Variants in ACVR2B observed in about 807,000 individuals in gnomAD.
ACVR2B encodes activin A receptor type 2B.
A neutral mutation model predicts 65.1 loss-of-function variants in ACVR2B; 18 were observed. That is an observed-to-expected ratio of 0.28 (90% confidence interval 0.19 to 0.41). The LOEUF (loss-of-function observed/expected upper bound fraction) is 0.41, where lower values mean the gene tolerates loss of function less well. Ranked by LOEUF, ACVR2B falls within the 10% of genes least tolerant of loss-of-function variation. The pLI is 1.00. For synonymous variants in ACVR2B, 298 were observed against 277.7 expected (o/e 1.07, Z -0.73); for missense variants, 482 against 682.7 (o/e 0.71, Z 3.28).
At chr3:38,474,004 C>G (rs1709864908) in intron 1 of ACVR2B, 1 of 152,360 alleles carries the variant, frequency 6.6e-6, no homozygotes, top group Non-Finnish European at 1.5e-5. Context: ...GCCTCAGCCT[C>G]CTGAGTAGCT....
Position 38,478,309 on chromosome 3 carries a change from T to G in ACVR2B, c.522+17T>G. The G allele has an allele frequency of 1.2e-6, 2 of 1,613,856 alleles. No homozygotes were observed. The highest frequency in any genetic ancestry group is 1.7e-6 in the Non-Finnish European group (2 of 1,179,946). ...ATCCATGAGGTGAGACAGTGCTGGC[T>G]TGGGGCAGGGCAGGATAGAGGTGGG... is the stretch of plus-strand genomic sequence containing the variant. On this transcript the variant is annotated intron_variant, in intron 4 of 10. Transcript: ENST00000352511.
intron 1 of ACVR2B, among the ~76,000 whole-genome samples, chr3:38,465,496 A>G (rs1709713342): frequency 6.6e-6 from 1 of 152,158 alleles, no homozygotes. Context: ...CAAAGGAAAA[A>G]TCTCTTAAAG....
chr3:38,459,686 A>C (rs115028961), intron 1 of ACVR2B: 1 of 984,808 alleles, frequency 1.0e-6, no homozygotes, highest in Non-Finnish European at 1.2e-6. Context: ...GCCTCTCCCC[A>C]AAGGTATGGG....
chr3:38,462,853 T>C (rs938749689), intron 1 of ACVR2B, among the ~76,000 whole-genome samples: 2 of 152,196 alleles, frequency 1.3e-5, no homozygotes, highest in Admixed American at 6.5e-5. Context: ...AAAATGGTTA[T>C]ACCATTTTAT....
At chr3:38,476,848 T>TA (rs1453180459) in intron 1 of ACVR2B, 1 of 268,128 alleles carries the variant, frequency 3.7e-6, no homozygotes, top group African/African-American at 2.2e-5. Context: ...ACCTGCAACA[T>TA]ACAGTGATTC....
intron 1 of ACVR2B, among the ~76,000 whole-genome samples, chr3:38,469,133 T>C (rs766092435): frequency 2.6e-5 from 4 of 152,190 alleles, no homozygotes; most frequent in Non-Finnish European, 5.9e-5. Flanking sequence ...CTGGCATTTG[T>C]AGTGAACAAA....
At chr3:38,459,496 C>A in intron 1 of ACVR2B, 1 of 731,764 alleles carries the variant, frequency 1.4e-6, no homozygotes, top group Non-Finnish European at 1.7e-6. Context: ...CAGCCCCTCT[C>A]TGCTCACCTG....
Position 38,454,197 on chromosome 3 carries a change from C to A in ACVR2B, c.-126C>A. On this transcript the variant is annotated 5_prime_UTR_variant, in exon 1 of 11. Transcript: ENST00000352511. ...CGGGGACGAAGGCGCAGGAAGCGCGCAGGGAACGAGACCGAAGGAAGGAGC... is the reference window on the plus strand; with the variant it reads ...CGGGGACGAAGGCGCAGGAAGCGCGAAGGGAACGAGACCGAAGGAAGGAGC... 3.0e-6 allele frequency: 2 copies of A among 669,636 alleles called. No homozygotes were observed. The highest frequency in any genetic ancestry group is 3.9e-6 in the Non-Finnish European group (2 of 509,076). The allele number at this position is 669,636 out of a possible 1,614,324, so 41.5% of individuals were successfully genotyped here. A position where few individuals can be genotyped will look rare whatever the true frequency, so the allele number is the denominator to read the frequency against.
At chr3:38,464,824 A>G (rs1457949043) in intron 1 of ACVR2B, among the ~76,000 whole-genome samples, 2 of 152,154 alleles carry the variant, frequency 1.3e-5, no homozygotes, top group Non-Finnish European at 2.9e-5. Context: ...TAGGAGACTG[A>G]GGCGGGGAGG....
At chr3:38,468,984 G>A (rs1036011971) in intron 1 of ACVR2B, among the ~76,000 whole-genome samples, 2 of 152,182 alleles carry the variant, frequency 1.3e-5, no homozygotes, top group African/African-American at 2.4e-5. Context: ...TGGGAGGATG[G>A]TGCCAGGGCC....
intron 10 of ACVR2B, 110 bp downstream of exon 10, chr3:38,482,670 A>G: frequency 1.4e-6 from 2 of 1,480,380 alleles, no homozygotes; most frequent in Non-Finnish European, 1.8e-6. Context: ...AAAGTCTGCG[A>G]CGTTCCCTGG....
At position 38,489,441 on chromosome 3, in the gene ACVR2B, T is replaced by C. The variant is rs1710176188; in HGVS notation, c.*6109T>C. Reference sequence around the variant, plus strand: ...TGAGTGGTGTGGAACTTTTACTTAGTGTTTATATGGATTCTTGTGATACAC... The same window carrying C: ...TGAGTGGTGTGGAACTTTTACTTAGCGTTTATATGGATTCTTGTGATACAC... On this transcript the variant is annotated 3_prime_UTR_variant, in exon 11 of 11. Transcript: ENST00000352511. 1 of 152,544 alleles carries C rather than the reference T, an allele frequency of 6.6e-6. No individual in the cohort carries two copies. The highest frequency in any genetic ancestry group is 2.4e-5 in the African/African-American group (1 of 41,430). The allele number at this position is 152,544 out of a possible 1,614,324, so 9.4% of individuals were successfully genotyped here.
intron 1 of ACVR2B, among the ~76,000 whole-genome samples, chr3:38,469,539 C>T (rs780861206): frequency 1.1e-4 from 17 of 151,958 alleles, no homozygotes; most frequent in Non-Finnish European, 1.8e-4. Flanking sequence ...GTAGTTTCCC[C>T]GAGAATTTAT....
Position 38,454,282 on chromosome 3 carries a change from GC to G in ACVR2B, c.-38del. 1 of 1,237,064 alleles carries G rather than the reference GC, an allele frequency of 8.1e-7. No individual in the cohort carries two copies. The allele number at this position is 1,237,064 out of a possible 1,614,324, so 76.6% of individuals were successfully genotyped here. On this transcript the variant is annotated 5_prime_UTR_variant, in exon 1 of 11. Transcript: ENST00000352511. ...CGCCCCGGGAGCGCCGTGCGGCCCTGCCCGCGGGCTCCGGGTGTGCGCGGGG... is the reference window on the plus strand; with the variant it reads ...CGCCCCGGGAGCGCCGTGCGGCCCTGCCGCGGGCTCCGGGTGTGCGCGGGG...
rs1559662870 is a variant in ACVR2B at position 38,492,775 on chromosome 3, CA to C, written c.*9444del. 2.5e-4 allele frequency: 16 copies of C among 64,550 alleles called. No individual in the cohort carries two copies. The highest frequency in any genetic ancestry group is 5.5e-4 in the African/African-American group (15 of 27,292). The allele number at this position is 64,550 out of a possible 1,614,324, so 4.0% of individuals were successfully genotyped here. A position where few individuals can be genotyped will look rare whatever the true frequency, so the allele number is the denominator to read the frequency against. On this transcript the variant is annotated 3_prime_UTR_variant, in exon 11 of 11. Coordinates refer to ENST00000352511, the MANE Select transcript of ACVR2B (RefSeq NM_001106.4). ...ACACACACACACACACACACACACA[CA>C]CACACACACACACACACACACACAC...
At chr3:38,462,488 A>G (rs1164964078) in intron 1 of ACVR2B, among the ~76,000 whole-genome samples, 4 of 152,212 alleles carry the variant, frequency 2.6e-5, no homozygotes, top group Non-Finnish European at 1.5e-5. Flanking sequence ...AACTTCTAAC[A>G]GCATAAAATA....
At chr3:38,461,085 C>T (rs561504657) in intron 1 of ACVR2B, among the ~76,000 whole-genome samples, 15 of 152,186 alleles carry the variant, frequency 9.9e-5, no homozygotes, top group East Asian at 5.8e-4. Flanking sequence ...CTGACTCTCT[C>T]GAGTGTTGAT....
At chr3:38,455,995 T>G (rs2125711278) in intron 1 of ACVR2B, among the ~76,000 whole-genome samples, 1 of 152,264 alleles carries the variant, frequency 6.6e-6, no homozygotes, top group Admixed American at 6.5e-5. Context: ...CAGGACAGCT[T>G]GAGACCTGGG....
chr3:38,481,224 A>AC lies in ACVR2B; in HGVS notation c.960-123dup. 1.2e-6 allele frequency: 1 copy of AC among 808,022 alleles called. No homozygotes were observed. The highest frequency in any genetic ancestry group is 2.2e-6 in the Non-Finnish European group (1 of 458,392). 50.1% of individuals were successfully genotyped at this position (808,022 alleles called of 1,614,324 possible). On this transcript the variant is annotated intron_variant, in intron 7 of 10. Coordinates refer to ENST00000352511, the MANE Select transcript of ACVR2B (RefSeq NM_001106.4). The surrounding 1 kb of genome is among the most constrained non-coding windows in gnomAD (Gnocchi z 4.7). ...CCTGCTTGTGCTGCTTCACCTCTGC[A>AC]CCCCAGGTAGGGTGGGATGGCCTGG...
Sources: allele counts gnomAD v4.1 joint callset (sites outside exome capture counted in the v4.1 genomes callset), GRCh38; gene constraint gnomAD v4.1.1; non-coding constraint Gnocchi (gnomAD v3.1); transcripts MANE v1.5; gene names NCBI Gene and HGNC (gene_info 2026-07-23, HGNC 2026-07-21).